ELN: variants seen among roughly 807,000 people sequenced by gnomAD.
ELN encodes elastin.
In ELN, 65 loss-of-function variants were observed where a neutral mutation model predicts 105.8. That is an observed-to-expected ratio of 0.61 (90% CI 0.50 to 0.75). The LOEUF is 0.75. Ranked by LOEUF, ELN falls within the 30% of genes least tolerant of loss-of-function variation. The probability of loss-of-function intolerance (pLI) is 0.00; values close to 1 mark genes in which losing one functional copy is unlikely to be tolerated. For synonymous variants in ELN, 368 were observed against 389.2 expected, an observed-to-expected ratio of 0.95 and a Z score of 0.64; for missense variants, 882 against 969.4, an observed-to-expected ratio of 0.91 and a Z score of 1.20.
chr7:74,050,439 C>T (rs782806696), intron 15 of ELN, among the ~76,000 whole-genome samples: 1 of 149,452 alleles, frequency 6.7e-6, no homozygotes, highest in Non-Finnish European at 1.5e-5. Flanking sequence ...CTATCCATCA[C>T]TCCCTCCATT....
chr7:74,047,787 G>A, intron 13 of ELN, 71 bp downstream of exon 13: 2 of 1,608,488 alleles, frequency 1.2e-6, no homozygotes, highest in Non-Finnish European at 1.7e-6. Flanking sequence ...AGGGTGCTGT[G>A]CTTCCAGCCC....
rs368032676 is a variant in ELN at position 74,041,217 on chromosome 7, T to C, written c.198T>C (p.Val66=). The C allele has an allele frequency of 1.2e-6, 2 of 1,613,862 alleles. No homozygotes were observed. The highest frequency in any genetic ancestry group is 2.7e-5 in the African/African-American group (2 of 74,892). The change falls in exon 5 of 33, where the codon GTT becomes GTC. Residue 66 remains valine (V), a splice_region_variant and synonymous_variant. Coordinates refer to ENST00000252034, the MANE Select transcript of ELN (RefSeq NM_000501.4). ...CCTGTCTCTGTTTCTTATCCACAGT[T>C]CCCGGAGGGCTTGCGGGTGCTGGCC... ...LGPGGKPLKP[V]PGGLAGAGLG... is the part of the protein sequence containing the mutation.
chr7:74,050,601 C>A (rs1444253829), intron 15 of ELN, among the ~76,000 whole-genome samples: 3 of 146,638 alleles, frequency 2.0e-5, no homozygotes, highest in Non-Finnish European at 4.5e-5. Context: ...ATCCATTCAC[C>A]CATGCATTCA....
chr7:74,029,921 C>G (rs1156799167), intron 1 of ELN, among the ~76,000 whole-genome samples: 1 of 152,180 alleles, frequency 6.6e-6, no homozygotes, highest in East Asian at 1.9e-4. Flanking sequence ...GCTCTCTGCC[C>G]CAGGTCAAGG....
At chr7:74,057,724 C>T in intron 22 of ELN, 28 bp downstream of exon 22, 2 of 1,612,150 alleles carry the variant, frequency 1.2e-6, no homozygotes, top group Non-Finnish European at 1.7e-6. Context: ...CCGCCACTGG[C>T]TCACGGAGAA....
chr7:74,051,959 G>A lies in ELN; in HGVS notation c.925G>A (p.Ala309Thr). ...TCCAGCTGCAGCTGCAGCTGCAGCAGCAGCCGCTAAGGCAGCCAAGTATGG... is the reference window on the plus strand; with the variant it reads ...TCCAGCTGCAGCTGCAGCTGCAGCAACAGCCGCTAAGGCAGCCAAGTATGG... ...GTPAAAAAAA[A>T]AAKAAKYGAA... The change falls in exon 17 of 33, where the codon GCA becomes ACA. Residue 309 changes from alanine (A) to threonine (T), a missense_variant. Coordinates refer to ENST00000252034, the MANE Select transcript of ELN (RefSeq NM_000501.4). The A allele has an allele frequency of 1.2e-6, 2 of 1,611,842 alleles. No individual in the cohort carries two copies. The highest frequency in any genetic ancestry group is 1.7e-6 in the Non-Finnish European group (2 of 1,179,810).
In ELN at chr7:74,047,771, C is replaced by T. The variant is rs1451808931; in HGVS notation, c.685+55C>T. 5 of 1,612,472 alleles carry T rather than the reference C, an allele frequency of 3.1e-6. No homozygotes were observed. In the East Asian group the frequency reaches 1.1e-4, roughly 36 times the overall value. On this transcript the variant is annotated intron_variant, in intron 13 of 32. Coordinates refer to ENST00000252034, the MANE Select transcript of ELN (RefSeq NM_000501.4). The stretch of plus-strand genomic sequence containing the variant: ...TCCAGCTCTTTCCCTCTCCAGGGTC[C>T]TAGCAAGGGTGCTGTGCTTCCAGCC...
intron 8 of ELN, 44 bp from the exon 9 acceptor site, chr7:74,043,835 G>T: frequency 6.2e-7 from 1 of 1,611,902 alleles, no homozygotes; most frequent in Non-Finnish European, 8.5e-7. Flanking sequence ...GGGGTCCCTG[G>T]AGGCTGAGCT....
At position 74,045,243 on chromosome 7, in the gene ELN, G is replaced by C; in HGVS notation, c.491G>C (p.Gly164Ala). 1 of 1,614,158 alleles carries C rather than the reference G, an allele frequency of 6.2e-7. No individual in the cohort carries two copies. The highest frequency in any genetic ancestry group is 1.1e-5 in the South Asian group (1 of 91,088). Residue 164 changes from glycine to alanine, a missense_variant, in exon 10 of 33, where the codon GGG (glycine) becomes GCG (alanine). Gly to Ala is a moderately conservative substitution (Grantham distance 60). Transcript: ENST00000252034. ...VLPGARFPGV[G>A]VLPGVPTGAG... ...GCAGGAGCTCGGTTCCCCGGTGTGG[G>C]GGTGCTCCCTGGAGTTCCCACTGGA...
chr7:74,060,675 C>T (rs1391591786), intron 25 of ELN, 174 bp downstream of exon 25: 1 of 1,514,554 alleles, frequency 6.6e-7, no homozygotes, highest in South Asian at 1.2e-5. Flanking sequence ...GCAGACCAGG[C>T]CAAGGGACCC....
rs200079889 is a variant in ELN at position 74,063,753 on chromosome 7, G to GGAGACA, written c.1993+76_1993+81dup. On this transcript the variant is annotated intron_variant, in intron 29 of 32. Coordinates refer to ENST00000252034, the MANE Select transcript of ELN (RefSeq NM_000501.4). This position sits in a 1 kb window ranked among gnomAD's most constrained non-coding sequence, Gnocchi z 4.1. ...TGGTGTGTGTATGCGAGACAGAGATGGAGACAGAGACAGAGACAGAGACTT... is the reference window on the plus strand; with the variant it reads ...TGGTGTGTGTATGCGAGACAGAGATGGAGACAGAGACAGAGACAGAGACAGAGACTT... 1.5e-3 allele frequency: 2,477 copies of GGAGACA among 1,608,110 alleles called. 37 individuals are homozygous for GGAGACA. The African/African-American group carries it at 0.027, about 18-fold the overall frequency.
At chr7:74,051,688 C>A in intron 15 of ELN, 62 bp from the exon 16 acceptor site, 1 of 1,590,026 alleles carries the variant, frequency 6.3e-7, no homozygotes, top group Non-Finnish European at 8.6e-7. Flanking sequence ...TCTAAGTGGC[C>A]ATCCTGCCTG....
At chr7:74,033,053 A>ACTTGCAGCAACCTTGCAAC (rs1402325601) in intron 1 of ELN, among the ~76,000 whole-genome samples, 1 of 152,224 alleles carries the variant, frequency 6.6e-6, no homozygotes. Context: ...CCCTTTTACA[A>ACTTGCAGCAACCTTGCAAC]CTTGCAGCAA....
In ELN at chr7:74,028,202, G is replaced by A. The variant is rs782452483; in HGVS notation, c.15G>A (p.Thr5=). 1.6e-5 allele frequency: 26 copies of A among 1,610,932 alleles called. No homozygotes were observed. In the South Asian group the frequency reaches 1.8e-4, roughly 11 times the overall value. Residue 5 remains threonine (T), a synonymous_variant, in exon 1 of 33, where the codon ACG becomes ACA. Transcript: ENST00000252034. MAGL[T]AAAPRPGVLL... is the part of the protein sequence containing the mutation. ...TTCTCCCCGAGATGGCGGGTCTGAC[G>A]GCGGCGGCCCCGCGGCCCGGAGTCC...
chr7:74,046,194 G>A lies in ELN; in HGVS notation c.548G>A (p.Gly183Asp), dbSNP rs782189638. ...AGVKPKAPGVGGAFAGIPGVG... is the reference protein window; with the variant it reads ...AGVKPKAPGVDGAFAGIPGVG... ...CAGCTTTTTATCATTACAGGTGTAG[G>A]TGGAGCTTTTGCTGGAATCCCAGGT... Residue 183 changes from glycine (G) to aspartate (D), a missense_variant, in exon 11 of 33, where the codon GGT (glycine) becomes GAT (aspartate). Physicochemically the swap from Gly to Asp is moderately conservative, Grantham distance 94. Coordinates refer to ENST00000252034, the MANE Select transcript of ELN (RefSeq NM_000501.4). The A allele has an allele frequency of 5.6e-6, 9 of 1,614,224 alleles. No homozygotes were observed. Among genetic ancestry groups the A allele is most frequent in the South Asian group, 1.1e-5 (1 of 91,076 alleles).
chr7:74,061,053 G>A (rs1312735850), intron 25 of ELN, 48 bp from the exon 26 acceptor site: 4 of 1,612,846 alleles, frequency 2.5e-6, no homozygotes, highest in Admixed American at 3.3e-5. Flanking sequence ...GAACTCCCAG[G>A]CACAGAGCTC....
rs1793043566 is a variant in ELN, at chr7:74,048,274, G to C, written c.745+73G>C. On this transcript the variant is annotated intron_variant, in intron 14 of 32. Transcript: ENST00000252034. ...CAGGCTCCAGAGCCCTGGGGTGGGTGAGGTTCCCTCCTGAAAGCAGCAGCC... is the reference window on the plus strand; with the variant it reads ...CAGGCTCCAGAGCCCTGGGGTGGGTCAGGTTCCCTCCTGAAAGCAGCAGCC... 3 of 1,604,014 alleles carry C rather than the reference G, an allele frequency of 1.9e-6. No homozygotes were observed. In the East Asian group the frequency reaches 6.7e-5, roughly 36 times the overall value.
At chr7:74,060,799 C>T (rs1796482327) in intron 25 of ELN, among the ~76,000 whole-genome samples, 1 of 152,186 alleles carries the variant, frequency 6.6e-6, no homozygotes, top group African/African-American at 2.4e-5. Flanking sequence ...AGCCTGGCTC[C>T]CCTTCAGCAG....
intron 22 of ELN, 34 bp from the exon 23 acceptor site, chr7:74,059,852 C>T: frequency 1.0e-6 from 1 of 970,614 alleles, no homozygotes; most frequent in South Asian, 1.3e-5. Context: ...TTGATCAGGT[C>T]TTGGTTAATG....
Sources: gnomAD v4.1 joint callset for allele counts (sites outside exome capture counted in the v4.1 genomes callset) on GRCh38, gnomAD v4.1.1 for gene constraint, Gnocchi (gnomAD v3.1) non-coding constraint, MANE v1.5 for transcripts, NCBI Gene and HGNC (gene_info 2026-07-23, HGNC 2026-07-21) for gene names.